PDE1A: variants seen among roughly 807,000 people sequenced by gnomAD.
PDE1A encodes the protein phosphodiesterase 1A.
In PDE1A, 35 loss-of-function variants were observed where a neutral mutation model predicts 61.7. The ratio of observed to expected loss-of-function variants is 0.57; its 90% CI spans 0.43 to 0.75. The LOEUF (loss-of-function observed/expected upper bound fraction) is 0.75, where lower values mean the gene tolerates loss of function less well. PDE1A is among the 30% of genes least tolerant of loss of function. The pLI, the probability that PDE1A is intolerant of heterozygous loss-of-function variation, is 0.00. For synonymous variants in PDE1A, 232 were observed against 213.2 expected (o/e 1.09, Z -0.77); for missense variants, 597 against 630.6 (o/e 0.95, Z 0.57).
intron 1 of PDE1A, among the ~76,000 whole-genome samples, chr2:182,264,815 T>C (rs1692487161): frequency 6.9e-6 from 1 of 144,438 alleles, no homozygotes; most frequent in Non-Finnish European, 1.5e-5. Context: ...GTTGCAAAAA[T>C]ATGGAACCAA....
Position 182,507,307 on chromosome 2 carries a change from C to A in PDE1A, c.101+14969G>T, listed in dbSNP as rs537336015. 2.0e-5 allele frequency among the ~76,000 whole-genome samples: 3 copies of A among 152,282 alleles called. 1 individual carries two copies. The highest frequency in any genetic ancestry group is 7.2e-5 in the African/African-American group (3 of 41,550). On this transcript the variant is annotated intron_variant, in intron 2 of 14. Coordinates refer to the PDE1A transcript ENST00000410103. ...CTTTTGTTGTGCAACAAAACACCGA[C>A]AACTTAGTGGACAACAATAATAAAC... is the stretch of plus-strand genomic sequence containing the variant.
intron 1 of PDE1A, among the ~76,000 whole-genome samples, chr2:182,372,513 G>C (rs1574478684): frequency 6.6e-6 from 1 of 152,140 alleles, no homozygotes; most frequent in Non-Finnish European, 1.5e-5. Flanking sequence ...AATTAAACAG[G>C]TAACACTGTT....
intron 1 of PDE1A, among the ~76,000 whole-genome samples, chr2:182,389,138 T>A (rs1392093213): frequency 2.0e-5 from 3 of 152,176 alleles, no homozygotes; most frequent in Non-Finnish European, 2.9e-5. Context: ...ATACCAACCA[T>A]TAAGTCCATC....
chr2:182,183,968 A>AGAAG (rs374597610), intron 13 of PDE1A, among the ~76,000 whole-genome samples: 5 of 151,386 alleles, frequency 3.3e-5, no homozygotes, highest in African/African-American at 1.2e-4. Context: ...AAATGAATGA[A>AGAAG]GAAGGAAGGA....
chr2:182,569,260 T>TATATATATATATATATATATATAC, the PDE1A span, among the ~76,000 whole-genome samples: 31 of 147,508 alleles, frequency 2.1e-4, no homozygotes, highest in Admixed American at 2.7e-4. Context: ...CTCAAATATA[T>TATATATATATATATATATATATAC]ATATATATAT....
chr2:182,429,377 G>A (rs1429880055), upstream of PDE1A, among the ~76,000 whole-genome samples: 3 of 152,022 alleles, frequency 2.0e-5, no homozygotes, highest in African/African-American at 7.2e-5. Flanking sequence ...CAACTGTAGT[G>A]TGCAAAATAC....
At chr2:182,682,805 T>G in the PDE1A span, among the ~76,000 whole-genome samples, 2 of 152,200 alleles carry the variant, frequency 1.3e-5, no homozygotes, top group Admixed American at 6.5e-5. Context: ...TGTTGTTGTT[T>G]AACACAGAAA....
chr2:182,553,976 T>C, the PDE1A span, among the ~76,000 whole-genome samples: 4 of 152,098 alleles, frequency 2.6e-5, no homozygotes, highest in East Asian at 3.9e-4. Context: ...AAACTGACAA[T>C]GGAAATCATC....
At chr2:182,261,323 T>C (rs1385720496) in intron 2 of PDE1A, among the ~76,000 whole-genome samples, 3 of 152,174 alleles carry the variant, frequency 2.0e-5, no homozygotes, top group South Asian at 2.1e-4. Flanking sequence ...GAGCTTTAAT[T>C]ATCTCATTAG....
chr2:182,186,434 G>A (rs1389996857), intron 12 of PDE1A, 34 bp downstream of exon 12: 16 of 1,603,608 alleles, frequency 1.0e-5, no homozygotes, highest in Non-Finnish European at 1.4e-5. Context: ...ACACCACAAA[G>A]ATGAAAAATA....
intron 1 of PDE1A, among the ~76,000 whole-genome samples, chr2:182,348,925 G>T (rs773009235): frequency 6.6e-6 from 1 of 152,094 alleles, no homozygotes; most frequent in Non-Finnish European, 1.5e-5. Context: ...CTGTGTAAAG[G>T]AGGTGGGACA....
intron 1 of PDE1A, among the ~76,000 whole-genome samples, chr2:182,387,318 A>T (rs1307877301): frequency 1.3e-5 from 2 of 151,964 alleles, no homozygotes; most frequent in Admixed American, 1.3e-4. Flanking sequence ...AAAGCCAGAG[A>T]CCTTTGTTCA....
the PDE1A span, among the ~76,000 whole-genome samples, chr2:182,667,439 T>C: frequency 6.6e-6 from 1 of 152,214 alleles, no homozygotes; most frequent in Admixed American, 6.5e-5. Context: ...CCATCATATG[T>C]GGCTTACATA....
intron 1 of PDE1A, among the ~76,000 whole-genome samples, chr2:182,417,973 T>C (rs1486646550): frequency 6.6e-6 from 1 of 152,184 alleles, no homozygotes; most frequent in Non-Finnish European, 1.5e-5. Context: ...ATTTACCTAT[T>C]ATAGTGGTGT....
At chr2:182,422,954 C>G (rs1703372799) in intron 1 of PDE1A, among the ~76,000 whole-genome samples, 1 of 152,064 alleles carries the variant, frequency 6.6e-6, no homozygotes, top group Non-Finnish European at 1.5e-5. Flanking sequence ...AATTATAAAA[C>G]TCAAAGTATT....
intron 2 of PDE1A, among the ~76,000 whole-genome samples, chr2:182,442,590 TAAAC>T (rs1052291061): frequency 4.5e-4 from 69 of 152,180 alleles, no homozygotes; most frequent in African/African-American, 1.3e-3. Flanking sequence ...ATTCATATAA[TAAAC>T]AATATTTATA....
intron 1 of PDE1A, among the ~76,000 whole-genome samples, chr2:182,401,008 T>C (rs966120234): frequency 6.6e-6 from 1 of 152,146 alleles, no homozygotes; most frequent in Non-Finnish European, 1.5e-5. Flanking sequence ...TCATAAAAGT[T>C]CTGATTCAGT....
chr2:182,207,681 A>T (rs927701596), intron 7 of PDE1A, among the ~76,000 whole-genome samples: 1 of 152,248 alleles, frequency 6.6e-6, no homozygotes, highest in Non-Finnish European at 1.5e-5. Context: ...ACCTAATGTT[A>T]ATAGCCCAGA....
At chr2:182,515,735 T>C (rs779710583) in intron 2 of PDE1A, among the ~76,000 whole-genome samples, 4 of 152,178 alleles carry the variant, frequency 2.6e-5, no homozygotes, top group Non-Finnish European at 5.9e-5. Context: ...TTATCAACAA[T>C]TTCCAAGAAA....
Sources: allele counts gnomAD v4.1 joint callset (sites outside exome capture counted in the v4.1 genomes callset), GRCh38; gene constraint gnomAD v4.1.1; transcripts MANE v1.5; gene names NCBI Gene and HGNC (gene_info 2026-07-23, HGNC 2026-07-21).